RBFOX1: variants seen among roughly 807,000 people sequenced by gnomAD.
RBFOX1 encodes the protein RNA binding protein fox-1 homolog 1.
Under a neutral mutation model 57.7 loss-of-function variants are expected in RBFOX1, and 8 were observed. The ratio of observed to expected loss-of-function variants is 0.14; its 90% CI spans 0.08 to 0.25. RBFOX1 has a LOEUF of 0.25. Ranked by LOEUF, RBFOX1 falls within the 10% of genes least tolerant of loss-of-function variation. RBFOX1 has a pLI of 1.00. For missense variants in RBFOX1, 611 were observed against 548.5 expected (o/e 1.11, Z -1.14); for synonymous variants, 326 against 222.4 (o/e 1.47, Z -4.15).
intron 3 of RBFOX1, among the ~76,000 whole-genome samples, chr16:5,851,762 G>A (rs961192264): frequency 2.0e-5 from 3 of 152,188 alleles, no homozygotes; most frequent in African/African-American, 4.8e-5. Context: ...GTTCATGTCC[G>A]TTCAAAGGTG....
intron 1 of RBFOX1, among the ~76,000 whole-genome samples, chr16:5,426,740 T>G (rs938163130): frequency 2.6e-5 from 4 of 152,248 alleles, no homozygotes; most frequent in South Asian, 2.1e-4. Context: ...CAGAGAAACT[T>G]CTCCTGATTG....
intron 3 of RBFOX1, among the ~76,000 whole-genome samples, chr16:6,679,125 C>T (rs983888632): frequency 7.9e-5 from 12 of 152,064 alleles, no homozygotes; most frequent in African/African-American, 2.9e-4. Flanking sequence ...AAATATGCAG[C>T]CAGAATTTCA....
In RBFOX1 at chr16:7,249,936, A is replaced by C. The variant is rs567042537; in HGVS notation, c.27+197838A>C. ...ATTTACACTCTCAACAGTAGTGTTT[A>C]AGAGACTCTTTCTCTAAATCTCCTT... On this transcript the variant is annotated intron_variant, in intron 4 of 15. Coordinates refer to ENST00000550418, the MANE Select transcript of RBFOX1 (RefSeq NM_018723.4). 1.8e-3 allele frequency among the ~76,000 whole-genome samples: 274 copies of C among 152,338 alleles called. 1 individual carries two copies. The South Asian group carries it at 0.02, about 11-fold the overall frequency.
At chr16:5,522,367 T>C (rs1047306509) in intron 2 of RBFOX1, among the ~76,000 whole-genome samples, 8 of 152,278 alleles carry the variant, frequency 5.3e-5, no homozygotes, top group South Asian at 2.1e-4. Flanking sequence ...CTGGGGAGCA[T>C]TGAGGAAACG....
chr16:7,009,178 C>T (rs1420077706), intron 3 of RBFOX1, among the ~76,000 whole-genome samples: 1 of 106,256 alleles, frequency 9.4e-6, no homozygotes, highest in Middle Eastern at 3.9e-3. Context: ...TCCTCTCTTG[C>T]TCTTTCTCTT....
chr16:5,346,347 C>A (rs942142521), intron 1 of RBFOX1, among the ~76,000 whole-genome samples: 1 of 152,152 alleles, frequency 6.6e-6, no homozygotes, highest in African/African-American at 2.4e-5. Flanking sequence ...ACATTTAAAT[C>A]ATCATCGTCA....
At chr16:7,260,487 A>G (rs1740902244) in intron 4 of RBFOX1, among the ~76,000 whole-genome samples, 2 of 151,896 alleles carry the variant, frequency 1.3e-5, no homozygotes, top group Non-Finnish European at 1.5e-5. Flanking sequence ...TTTTTCGTGC[A>G]TATTGATGTA....
chr16:6,871,398 C>T (rs913999288), intron 3 of RBFOX1, among the ~76,000 whole-genome samples: 1 of 152,098 alleles, frequency 6.6e-6, no homozygotes, highest in Non-Finnish European at 1.5e-5. Flanking sequence ...GTTGGCCAGG[C>T]TGGTCTCAAA....
At chr16:6,982,648 G>A (rs1256203878) in intron 3 of RBFOX1, among the ~76,000 whole-genome samples, 1 of 152,150 alleles carries the variant, frequency 6.6e-6, no homozygotes, top group Non-Finnish European at 1.5e-5. Context: ...TTGTCACATT[G>A]AGTATTCACA....
intron 1 of RBFOX1, among the ~76,000 whole-genome samples, chr16:5,409,213 C>T (rs1036157485): frequency 9.2e-5 from 14 of 152,274 alleles, no homozygotes; most frequent in Admixed American, 2.0e-4. Context: ...TGGCCACAGA[C>T]GATCAGAAGG....
intron 3 of RBFOX1, among the ~76,000 whole-genome samples, chr16:6,909,160 G>C (rs192750614): frequency 1.1e-4 from 17 of 152,292 alleles, no homozygotes; most frequent in Middle Eastern, 3.4e-3. Flanking sequence ...CAACAGTGTT[G>C]CATTTCTTCT....
intron 1 of RBFOX1, among the ~76,000 whole-genome samples, chr16:6,102,078 A>T (rs555631315): frequency 2.0e-5 from 3 of 151,500 alleles, no homozygotes; most frequent in Admixed American, 2.0e-4. Flanking sequence ...TGTGTGTAGC[A>T]GGGTGGTCTG....
intron 4 of RBFOX1, among the ~76,000 whole-genome samples, chr16:5,921,879 T>A (rs2058830277): frequency 6.6e-6 from 1 of 151,700 alleles, no homozygotes; most frequent in Non-Finnish European, 1.5e-5. Flanking sequence ...AGGCCAGGTG[T>A]GGTGGCTTAG....
At chr16:7,696,644 A>G (rs368839287) in intron 14 of RBFOX1, among the ~76,000 whole-genome samples, 49 of 152,262 alleles carry the variant, frequency 3.2e-4, no homozygotes, top group African/African-American at 1.1e-3. Flanking sequence ...GGTCTCATCA[A>G]AAGACCTTCA....
chr16:5,781,141 C>T (rs2054310411), intron 3 of RBFOX1, among the ~76,000 whole-genome samples: 1 of 152,152 alleles, frequency 6.6e-6, no homozygotes. Context: ...CGAACAGTCA[C>T]CGAAAAGTAT....
In RBFOX1 at chr16:6,726,875, A is replaced by G. The variant is rs117494929; in HGVS notation, c.-16+72225A>G. 3.3e-3 allele frequency among the ~76,000 whole-genome samples: 496 copies of G among 152,220 alleles called. 10 individuals carry two copies. In the East Asian group the frequency reaches 0.053, roughly 16 times the overall value. ...ATGATTTGGGGGTGGCTTGGGAATT[A>G]TTATTGGCTGTGCTATAAATGGCTG... On this transcript the variant is annotated intron_variant, in intron 3 of 15. Transcript: ENST00000550418.
chr16:7,476,072 C>T (rs996451170), intron 4 of RBFOX1, among the ~76,000 whole-genome samples: 2 of 152,010 alleles, frequency 1.3e-5, no homozygotes, highest in African/African-American at 2.4e-5. Flanking sequence ...CCCAAGTGAT[C>T]CTCCCACCTC....
chr16:7,314,245 C>G (rs577518881), intron 4 of RBFOX1, among the ~76,000 whole-genome samples: 140 of 152,222 alleles, frequency 9.2e-4, no homozygotes, highest in Non-Finnish European at 1.8e-3. Context: ...ACAGAGGAAA[C>G]GCAGTCACTG....
chr16:7,349,578 G>A lies in RBFOX1; in HGVS notation c.28-168569G>A, dbSNP rs75814446. On this transcript the variant is annotated intron_variant, in intron 4 of 15. Transcript: ENST00000550418. Reference sequence around the variant, plus strand: ...TACCAGTTAATACTCCTCCCTTTCCGTTTTGATAGCTGACCCTCAGAATCA... The same window carrying A: ...TACCAGTTAATACTCCTCCCTTTCCATTTTGATAGCTGACCCTCAGAATCA... Among the ~76,000 whole-genome samples the A allele has an allele frequency of 3.3e-3, 507 of 151,558 alleles. 4 individuals are homozygous for A. Among genetic ancestry groups the A allele is most frequent in the African/African-American group, 0.012 (487 of 41,330 alleles).
Sources: allele counts gnomAD v4.1 joint callset (sites outside exome capture counted in the v4.1 genomes callset), GRCh38; gene constraint gnomAD v4.1.1; transcripts MANE v1.5; gene names NCBI Gene and HGNC (gene_info 2026-07-23, HGNC 2026-07-21).